Variants in ADGB observed in about 807,000 individuals in gnomAD.
The protein encoded by ADGB is androglobin.
ADGB carries 172 observed loss-of-function variants against 210.5 expected under a neutral mutation model. The observed-to-expected ratio is 0.82, with a 90% CI of 0.72 to 0.93. The LOEUF (loss-of-function observed/expected upper bound fraction) is 0.93, where lower values mean the gene tolerates loss of function less well. Among genes scored for constraint, ADGB ranks in the 40% least tolerant of loss-of-function variants. The pLI is 0.00. For missense variants in ADGB, 2,025 were observed against 1,964.8 expected, an observed-to-expected ratio of 1.03 and a Z score of -0.58; for synonymous variants, 658 against 662.7, an observed-to-expected ratio of 0.99 and a Z score of 0.11.
intron 35 of ADGB, among the ~76,000 whole-genome samples, chr6:146,809,515 A>AT (rs1392419720): frequency 2.0e-5 from 3 of 151,808 alleles, no homozygotes; most frequent in Non-Finnish European, 4.4e-5. Flanking sequence ...CAATTTCTGT[A>AT]TTTTTTTGTA....
intron 12 of ADGB, among the ~76,000 whole-genome samples, chr6:146,698,309 T>C (rs562086354): frequency 2.0e-4 from 31 of 152,242 alleles, no homozygotes; most frequent in Non-Finnish European, 3.7e-4. Context: ...ACACATATAA[T>C]GGCCATTAAA....
intron 31 of ADGB, 116 bp downstream of exon 31, chr6:146,784,910 A>AT: frequency 9.5e-7 from 1 of 1,055,680 alleles, no homozygotes; most frequent in Non-Finnish European, 1.3e-6. Context: ...GGTATCTGAA[A>AT]TTTTATCAGA....
rs531303493 is a variant in ADGB, at chr6:146,792,898, C to T, written c.4537+4288C>T. ...TGGTTCCTTCCAGTGGGTTCCTGGT[C>T]TCGCTGACTTCAAGAATGAAGCCAC... On this transcript the variant is annotated intron_variant, in intron 33 of 35. Transcript: ENST00000397944. 7.2e-5 allele frequency among the ~76,000 whole-genome samples: 11 copies of T among 152,262 alleles called. No individual in the cohort carries two copies. The South Asian group carries it at 2.3e-3, about 32-fold the overall frequency.
chr6:146,702,966 TA>T (rs1344060038), intron 13 of ADGB, among the ~76,000 whole-genome samples: 2 of 151,910 alleles, frequency 1.3e-5, no homozygotes, highest in Non-Finnish European at 2.9e-5. Context: ...AGGGATTTTT[TA>T]AAAATTTTGC....
rs961311208 is a variant in ADGB at position 146,728,797 on chromosome 6, A to G, written c.2520+56A>G. The G allele has an allele frequency of 2.4e-5, 34 of 1,395,334 alleles. No homozygotes were observed. In the African/African-American group the frequency reaches 2.9e-4, roughly 12 times the overall value. 86.4% of individuals were successfully genotyped at this position (1,395,334 alleles called of 1,614,324 possible). A position where few individuals can be genotyped will look rare whatever the true frequency, so the allele number is the denominator to read the frequency against. On this transcript the variant is annotated intron_variant, in intron 20 of 35. Transcript: ENST00000397944. ...GAGGAAACTTTCTTTTCAAAATGGT[A>G]TATCTTCCATTAGGTGACCTCCCAA... is the stretch of plus-strand genomic sequence containing the variant.
chr6:146,799,580 CAGGG>C (rs1398729903), intron 33 of ADGB, among the ~76,000 whole-genome samples: 1 of 117,238 alleles, frequency 8.5e-6, no homozygotes, highest in African/African-American at 3.3e-5. Context: ...TGCAGGCAGG[CAGGG>C]AGGGAGAGAG....
chr6:146,718,701 C>G (rs1458352652), intron 16 of ADGB, among the ~76,000 whole-genome samples: 2 of 152,204 alleles, frequency 1.3e-5, no homozygotes. Context: ...TAATGATAAT[C>G]CCACACCTCC....
At chr6:146,695,758 T>A (rs996733826) in intron 12 of ADGB, among the ~76,000 whole-genome samples, 1 of 152,026 alleles carries the variant, frequency 6.6e-6, no homozygotes, top group Non-Finnish European at 1.5e-5. Context: ...TGTCCATAAT[T>A]GTAGCATTTT....
intron 13 of ADGB, among the ~76,000 whole-genome samples, chr6:146,701,413 A>G (rs1228214677): frequency 1.3e-5 from 2 of 152,080 alleles, no homozygotes; most frequent in African/African-American, 4.8e-5. Context: ...TTCACTAACC[A>G]ATGGTATTTA....
At chr6:146,622,650 C>T (rs1381870852) in intron 1 of ADGB, among the ~76,000 whole-genome samples, 6 of 151,890 alleles carry the variant, frequency 4.0e-5, no homozygotes, top group Non-Finnish European at 7.4e-5. Flanking sequence ...ATATACTTTT[C>T]GAATATTTTC....
intron 29 of ADGB, among the ~76,000 whole-genome samples, chr6:146,779,235 G>A (rs574742951): frequency 2.6e-5 from 4 of 152,312 alleles, no homozygotes; most frequent in South Asian, 2.1e-4. Context: ...ACTACTGATT[G>A]TGCAGAGCTT....
chr6:146,698,575 G>A (rs187333320), intron 12 of ADGB, among the ~76,000 whole-genome samples: 304 of 152,216 alleles, frequency 2.0e-3, no homozygotes, highest in African/African-American at 7.0e-3. Context: ...TTGAAAAGTG[G>A]GTAGGGAGGG....
chr6:146,802,748 T>A, intron 35 of ADGB: 1 of 1,555,526 alleles, frequency 6.4e-7, no homozygotes, highest in South Asian at 1.1e-5. Flanking sequence ...ATTACACAGT[T>A]CAGGGATGTT....
At chr6:146,695,582 G>A (rs1427551480) in intron 12 of ADGB, among the ~76,000 whole-genome samples, 1 of 151,350 alleles carries the variant, frequency 6.6e-6, no homozygotes, top group Non-Finnish European at 1.5e-5. Context: ...AGGCACATGG[G>A]GCTATGTAAA....
rs1246563528 is a variant in ADGB, at chr6:146,815,036, C to T, written c.4823C>T (p.Ser1608Phe). The T allele has an allele frequency of 2.6e-6, 4 of 1,542,524 alleles. No homozygotes were observed. The highest frequency in any genetic ancestry group is 4.9e-5 in the East Asian group (2 of 40,568). Reference protein sequence around the residue: ...VLDMYKEMQDSLDEARQKIFD... With the variant: ...VLDMYKEMQDFLDEARQKIFD... ...TGGGGTTTTGCTTTGGAACAGGACT[C>T]CTTAGATGAAGCCCGACAGAAAATT... Residue 1608 changes from serine (S) to phenylalanine (F), a missense_variant, in exon 36 of 36, where the codon TCC becomes TTC. Physicochemically the swap from Ser to Phe is radical, Grantham distance 155. Coordinates refer to ENST00000397944, the MANE Select transcript of ADGB (RefSeq NM_024694.4).
chr6:146,754,258 T>C (rs1467522143), intron 27 of ADGB, among the ~76,000 whole-genome samples: 2 of 151,318 alleles, frequency 1.3e-5, no homozygotes, highest in African/African-American at 2.4e-5. Flanking sequence ...TTTTTATTTA[T>C]TTTTAATTTA....
intron 26 of ADGB, among the ~76,000 whole-genome samples, chr6:146,746,689 C>T (rs928511921): frequency 6.6e-6 from 1 of 152,136 alleles, no homozygotes; most frequent in Non-Finnish European, 1.5e-5. Context: ...ACAGTAATTG[C>T]CTTTCAACCA....
At chr6:146,624,085 T>G (rs1780938089) in intron 1 of ADGB, among the ~76,000 whole-genome samples, 1 of 151,854 alleles carries the variant, frequency 6.6e-6, no homozygotes, top group Admixed American at 6.6e-5. Flanking sequence ...TGCTGGCCCA[T>G]GGAATGAATA....
intron 1 of ADGB, among the ~76,000 whole-genome samples, chr6:146,620,244 G>A (rs567105377): frequency 6.6e-6 from 1 of 152,166 alleles, no homozygotes; most frequent in South Asian, 2.1e-4. Context: ...GATGTGCCTT[G>A]GGGAATCCCT....
Sources: gnomAD v4.1 joint callset for allele counts (sites outside exome capture counted in the v4.1 genomes callset) on GRCh38, gnomAD v4.1.1 for gene constraint, MANE v1.5 for transcripts, NCBI Gene and HGNC (gene_info 2026-07-23, HGNC 2026-07-21) for gene names.